EGF: variants seen among roughly 807,000 people sequenced by gnomAD.
EGF encodes the protein pro-epidermal growth factor.
Under a neutral mutation model 143.8 loss-of-function variants are expected in EGF, and 95 were observed. The observed-to-expected ratio is 0.66, with a 90% confidence interval of 0.56 to 0.78. The LOEUF is 0.78. Ranked by LOEUF, EGF falls within the 30% of genes least tolerant of loss-of-function variation. The pLI is 0.00. For missense variants in EGF, 1,320 were observed against 1,470.9 expected (o/e 0.90, Z 1.68); for synonymous variants, 510 against 510.5 (o/e 1.00, Z 0.01).
At chr4:109,929,345 T>C (rs143970149) in intron 1 of EGF, among the ~76,000 whole-genome samples, 30 of 152,300 alleles carry the variant, frequency 2.0e-4, no homozygotes, top group Non-Finnish European at 3.1e-4. Flanking sequence ...TGAGAGCATT[T>C]ACCTCCTAGT....
chr4:109,988,192 C>CT lies in EGF; in HGVS notation c.2608+350dup, dbSNP rs200891546. ...TTCACCAATTCCAATGAAAACACAA[C>CT]TTTTTTTTTTTTTTTTTTACCCCAG... is the stretch of plus-strand genomic sequence containing the variant. On this transcript the variant is annotated intron_variant, in intron 17 of 23. Transcript: ENST00000265171. 0.27 allele frequency among the ~76,000 whole-genome samples: 38,029 copies of CT among 138,640 alleles called. 5,376 individuals carry two copies. The highest frequency in any genetic ancestry group is 0.4 in the Middle Eastern group (101 of 254). The allele number at this position is 138,640 out of a possible 152,430, so 91.0% of individuals were successfully genotyped here.
chr4:109,942,167 G>A (rs1368986136), intron 2 of EGF, among the ~76,000 whole-genome samples: 1 of 152,176 alleles, frequency 6.6e-6, no homozygotes, highest in Non-Finnish European at 1.5e-5. Flanking sequence ...AATCTGAAGG[G>A]TTTCCTATCA....
At chr4:109,938,923 G>A (rs1201177273) in intron 1 of EGF, among the ~76,000 whole-genome samples, 2 of 152,144 alleles carry the variant, frequency 1.3e-5, no homozygotes, top group African/African-American at 4.8e-5. Context: ...GCCTGTATGA[G>A]GTGTCTGTTG....
intron 5 of EGF, among the ~76,000 whole-genome samples, chr4:109,951,371 C>G (rs954767372): frequency 6.6e-6 from 1 of 151,358 alleles, no homozygotes; most frequent in Non-Finnish European, 1.5e-5. Context: ...CCCCACCCCC[C>G]ACAAAAAAAC....
At chr4:109,974,652 T>A (rs1385943282) in intron 11 of EGF, 51 bp from the exon 12 acceptor site, 1 of 1,367,002 alleles carries the variant, frequency 7.3e-7, no homozygotes. Flanking sequence ...GTATTTTTGT[T>A]TGAAAAGTAA....
rs192916804 is a variant in EGF at position 109,947,918 on chromosome 4, C to T, written c.940+2643C>T. On this transcript the variant is annotated intron_variant, in intron 5 of 23. Transcript: ENST00000265171. ...TTGAGAAACCTGAAGAAATAGAGCA[C>T]CTTTTCCATGATCACATAGCTAGTT... Among the ~76,000 whole-genome samples, 5 of 152,226 alleles carry T rather than the reference C, an allele frequency of 3.3e-5. No individual in the cohort carries two copies. The South Asian group carries it at 6.2e-4, about 19-fold the overall frequency.
chr4:109,937,550 A>C (rs1741069563), intron 1 of EGF, among the ~76,000 whole-genome samples: 1 of 152,036 alleles, frequency 6.6e-6, no homozygotes, highest in Non-Finnish European at 1.5e-5. Flanking sequence ...TAAGGTTAAT[A>C]TTGTTATATG....
At chr4:109,989,743 C>G (rs1341951521) in intron 18 of EGF, among the ~76,000 whole-genome samples, 5 of 152,166 alleles carry the variant, frequency 3.3e-5, no homozygotes, top group African/African-American at 1.2e-4. Context: ...AGGAAGGTAT[C>G]TCTTCTTGGA....
chr4:109,931,530 C>T (rs1296848152), intron 1 of EGF, among the ~76,000 whole-genome samples: 1 of 152,182 alleles, frequency 6.6e-6, no homozygotes, highest in Admixed American at 6.5e-5. Flanking sequence ...TACCTGGATT[C>T]TAATTCCAAG....
chr4:109,926,505 C>T (rs1738690405), intron 1 of EGF, among the ~76,000 whole-genome samples: 1 of 152,040 alleles, frequency 6.6e-6, no homozygotes, highest in African/African-American at 2.4e-5. Flanking sequence ...CAGGCGCCCG[C>T]CACCACACCC....
rs144940817 is a variant in EGF at position 109,944,169 on chromosome 4, G to A, written c.737+100G>A. Reference sequence around the variant, plus strand: ...CAATGGAACTGGTATAGTGGTTTAGGCCATAGATTTTGAATCCAAAAGACT... The same window carrying A: ...CAATGGAACTGGTATAGTGGTTTAGACCATAGATTTTGAATCCAAAAGACT... On this transcript the variant is annotated intron_variant, in intron 4 of 23. Transcript: ENST00000265171. The A allele has an allele frequency of 1.6e-3, 2,152 of 1,323,972 alleles. 26 individuals are homozygous for A. The African/African-American group carries it at 0.028, about 17-fold the overall frequency. 82.0% of individuals were successfully genotyped at this position (1,323,972 alleles called of 1,614,324 possible).
Position 109,985,289 on chromosome 4 carries a change from T to C in EGF, c.2491+1748T>C, listed in dbSNP as rs1749968365. Reference sequence around the variant, plus strand: ...TAGCTTGTGAAGTCTTACTTCCACCTAAGTCAGGCTTGGGGGTCTAATTTC... The same window carrying C: ...TAGCTTGTGAAGTCTTACTTCCACCCAAGTCAGGCTTGGGGGTCTAATTTC... On this transcript the variant is annotated intron_variant, in intron 16 of 23. Coordinates refer to ENST00000265171, the MANE Select transcript of EGF (RefSeq NM_001963.6). 3.9e-5 allele frequency among the ~76,000 whole-genome samples: 6 copies of C among 152,258 alleles called. No homozygotes were observed. The South Asian group carries it at 1.2e-3, about 31-fold the overall frequency.
intron 17 of EGF, 124 bp downstream of exon 17, chr4:109,987,984 ATGTTAGC>A: frequency 1.3e-6 from 1 of 784,556 alleles, no homozygotes; most frequent in Non-Finnish European, 2.2e-6. Flanking sequence ...AAGTTATTTG[ATGTTAGC>A]TAAAAAAAAA....
chr4:109,921,180 C>A lies in EGF; in HGVS notation c.127+7718C>A, dbSNP rs192468151. ...GAATAATGCTTGTCAATATGTCTTTCTTTAGGAGATGTTCTATTTCTTAAG... is the reference window on the plus strand; with the variant it reads ...GAATAATGCTTGTCAATATGTCTTTATTTAGGAGATGTTCTATTTCTTAAG... On this transcript the variant is annotated intron_variant, in intron 1 of 23. Transcript: ENST00000265171. Among the ~76,000 whole-genome samples the A allele has an allele frequency of 5.9e-4, 90 of 151,598 alleles. 4 individuals carry two copies. The highest frequency in any genetic ancestry group is 2.1e-3 in the African/African-American group (84 of 40,890).
At chr4:109,941,566 G>A (rs1269946928) in intron 2 of EGF, among the ~76,000 whole-genome samples, 2 of 152,164 alleles carry the variant, frequency 1.3e-5, no homozygotes, top group East Asian at 3.8e-4. Flanking sequence ...GGAAGGTGGA[G>A]ACGATACAGG....
rs115391975 is a variant in EGF, at chr4:109,916,333, C to T, written c.127+2871C>T. On this transcript the variant is annotated intron_variant, in intron 1 of 23. Transcript: ENST00000265171. ...TTCTAACAGCAGTGAAACTAACCTC[C>T]AAATATTCAGTGGTGTTTGGTCATT... 7.7e-3 allele frequency among the ~76,000 whole-genome samples: 1,178 copies of T among 152,180 alleles called. 13 individuals are homozygous for T. The highest frequency in any genetic ancestry group is 0.027 in the African/African-American group (1,113 of 41,510).
intron 17 of EGF, 57 bp downstream of exon 17, chr4:109,987,917 T>C: frequency 7.5e-7 from 1 of 1,336,282 alleles, no homozygotes; most frequent in Non-Finnish European, 1.1e-6. Flanking sequence ...AAACATTTTT[T>C]CTGCTCTTTC....
At chr4:109,976,351 A>G (rs1748503841) in intron 13 of EGF, 116 bp downstream of exon 13, 1 of 899,026 alleles carries the variant, frequency 1.1e-6, no homozygotes, top group African/African-American at 1.7e-5. Context: ...AATATGGAAT[A>G]GAGACAGACT....
intron 1 of EGF, among the ~76,000 whole-genome samples, chr4:109,926,833 CT>C (rs1738759592): frequency 6.6e-6 from 1 of 152,174 alleles, no homozygotes; most frequent in South Asian, 2.1e-4. Context: ...AAAGTGACCA[CT>C]AATTATAAGA....
Sources: gnomAD v4.1 joint callset for allele counts (sites outside exome capture counted in the v4.1 genomes callset) on GRCh38, gnomAD v4.1.1 for gene constraint, MANE v1.5 for transcripts, NCBI Gene and HGNC (gene_info 2026-07-23, HGNC 2026-07-21) for gene names.